Variants in SYN2 observed in about 807,000 individuals in gnomAD.
The protein encoded by SYN2 is synapsin-2.
In SYN2, 19 loss-of-function variants were observed where a neutral mutation model predicts 50.9. The ratio of observed to expected loss-of-function variants is 0.37; its 90% CI spans 0.26 to 0.55. SYN2 has a LOEUF of 0.55. Among genes scored for constraint, SYN2 ranks in the 20% least tolerant of loss-of-function variants. The pLI is 0.81. For synonymous variants in SYN2, 255 were observed against 224.9 expected (o/e 1.13, Z -1.20); for missense variants, 587 against 576.4 (o/e 1.02, Z -0.19).
intron 1 of SYN2, among the ~76,000 whole-genome samples, chr3:12,034,882 T>C (rs1694463494): frequency 6.6e-6 from 1 of 152,206 alleles, no homozygotes; most frequent in South Asian, 2.1e-4. Flanking sequence ...TCAGTGCCGA[T>C]GGCCTTCAAA....
At chr3:12,079,606 A>T (rs1695545087) in intron 1 of SYN2, among the ~76,000 whole-genome samples, 2 of 152,166 alleles carry the variant, frequency 1.3e-5, no homozygotes, top group African/African-American at 2.4e-5. Context: ...AATTACATTT[A>T]CTGATTTGTG....
chr3:12,006,288 T>C (rs1228812772), intron 1 of SYN2, among the ~76,000 whole-genome samples: 2 of 151,976 alleles, frequency 1.3e-5, no homozygotes, highest in Non-Finnish European at 2.9e-5. Context: ...TTCAAGAGAG[T>C]AGAGTAGAAA....
chr3:12,166,840 C>T (rs565108809), intron 7 of SYN2, among the ~76,000 whole-genome samples: 27 of 152,288 alleles, frequency 1.8e-4, no homozygotes, highest in African/African-American at 6.5e-4. Context: ...ACGATATGTA[C>T]CTTCAAGTGG....
chr3:12,075,285 C>T (rs907641913), intron 1 of SYN2, among the ~76,000 whole-genome samples: 2 of 152,100 alleles, frequency 1.3e-5, no homozygotes, highest in African/African-American at 4.8e-5. Context: ...CTAAGGTTGT[C>T]ACAAAGGTTG....
intron 1 of SYN2, among the ~76,000 whole-genome samples, chr3:12,063,121 G>T (rs1287004786): frequency 1.3e-5 from 2 of 151,626 alleles, no homozygotes; most frequent in African/African-American, 2.4e-5. Flanking sequence ...GGAGATTTGG[G>T]GGGTGGTGAA....
At chr3:12,140,076 C>T (rs1696979098) in intron 1 of SYN2, among the ~76,000 whole-genome samples, 1 of 152,218 alleles carries the variant, frequency 6.6e-6, no homozygotes, top group Non-Finnish European at 1.5e-5. Context: ...TGGCTTCCCT[C>T]AGTCTTTTCC....
At chr3:12,174,889 C>G (rs1310184934) in intron 10 of SYN2, among the ~76,000 whole-genome samples, 1 of 152,228 alleles carries the variant, frequency 6.6e-6, no homozygotes. Context: ...TTCTGCATAG[C>G]ACTCACTATC....
intron 1 of SYN2, among the ~76,000 whole-genome samples, chr3:12,017,439 A>G (rs978131925): frequency 3.3e-5 from 5 of 152,196 alleles, no homozygotes; most frequent in Admixed American, 2.0e-4. Context: ...TCATGCTTCC[A>G]TGCTCCTAAC....
chr3:12,056,166 T>G (rs1048038629), intron 1 of SYN2, among the ~76,000 whole-genome samples: 4 of 151,846 alleles, frequency 2.6e-5, no homozygotes, highest in Admixed American at 6.6e-5. Flanking sequence ...AAAGTTGTGT[T>G]TTGTTTTTTT....
chr3:12,039,429 C>T (rs988189947), intron 1 of SYN2, among the ~76,000 whole-genome samples: 1 of 152,208 alleles, frequency 6.6e-6, no homozygotes, highest in East Asian at 1.9e-4. Context: ...ATGCCACAGG[C>T]CTTACATACA....
intron 11 of SYN2, chr3:12,185,527 C>T (rs1574896391): frequency 1.0e-6 from 1 of 985,860 alleles, no homozygotes; most frequent in Non-Finnish European, 1.2e-6. Context: ...AGGGACAACT[C>T]TGTGGCCTGG....
At chr3:12,038,466 C>T (rs1694548182) in intron 1 of SYN2, among the ~76,000 whole-genome samples, 2 of 152,008 alleles carry the variant, frequency 1.3e-5, no homozygotes, top group Non-Finnish European at 2.9e-5. Flanking sequence ...GCAAAAAAGG[C>T]AGCTGAAATT....
At chr3:12,187,258 T>TG in intron 11 of SYN2, 111 bp from the exon 12 acceptor site, 1 of 1,399,918 alleles carries the variant, frequency 7.1e-7, no homozygotes, top group Admixed American at 2.9e-5. Flanking sequence ...CTTCTTGGAA[T>TG]AGAGCTTATC....
chr3:12,167,586 A>G (rs946737694), intron 8 of SYN2, among the ~76,000 whole-genome samples: 7 of 151,598 alleles, frequency 4.6e-5, no homozygotes, highest in Non-Finnish European at 7.3e-5. Context: ...CTGCAGAACC[A>G]TGAGCCAAAA....
rs755624418 is a variant in SYN2, at chr3:12,161,585, C to G, written c.814C>G (p.His272Asp). The G allele has an allele frequency of 6.2e-7, 1 of 1,613,978 alleles. No individual in the cohort carries two copies. The highest frequency in any genetic ancestry group is 8.5e-7 in the Non-Finnish European group (1 of 1,179,888). ...PTFPVVVKIG[H>D]AHSGMGKVKV... ...GTTCCCTGTGGTGGTGAAGATTGGC[C>G]ACGCTCACTCAGGCATGGGCAAGGT... is the stretch of plus-strand genomic sequence containing the variant. Residue 272 changes from histidine (H) to aspartate (D), a missense_variant, in exon 6 of 13, where the codon CAC becomes GAC. Transcript: ENST00000621198.
At chr3:12,067,163 C>G (rs1695232761) in intron 1 of SYN2, among the ~76,000 whole-genome samples, 1 of 151,962 alleles carries the variant, frequency 6.6e-6, no homozygotes, top group Non-Finnish European at 1.5e-5. Context: ...CAAACCATAT[C>G]AACAAGATTT....
intron 5 of SYN2, chr3:12,158,719 A>T (rs199536325): frequency 3.1e-6 from 5 of 1,610,302 alleles, no homozygotes; most frequent in Non-Finnish European, 4.2e-6. Flanking sequence ...CGAGTGGCAG[A>T]TGTGCTGCTG....
At chr3:12,163,220 C>T (rs1280779871) in intron 7 of SYN2, among the ~76,000 whole-genome samples, 10 of 127,696 alleles carry the variant, frequency 7.8e-5, no homozygotes, top group Non-Finnish European at 1.2e-4. Flanking sequence ...CCAGCCTGGG[C>T]GACAGTGCAA....
At chr3:12,105,259 G>A (rs919970350) in intron 1 of SYN2, among the ~76,000 whole-genome samples, 8 of 151,952 alleles carry the variant, frequency 5.3e-5, no homozygotes, top group African/African-American at 1.9e-4. Flanking sequence ...TGAATTCTGG[G>A]CAGAACCTTT....
Sources: allele counts gnomAD v4.1 joint callset (sites outside exome capture counted in the v4.1 genomes callset), GRCh38; gene constraint gnomAD v4.1.1; transcripts MANE v1.5; gene names NCBI Gene and HGNC (gene_info 2026-07-23, HGNC 2026-07-21).